CARM1: variants seen among roughly 807,000 people sequenced by gnomAD.
The protein encoded by CARM1 is coactivator associated arginine methyltransferase 1.
Under a neutral mutation model 72.7 loss-of-function variants are expected in CARM1, and 14 were observed. The ratio of observed to expected loss-of-function variants is 0.19; its 90% confidence interval spans 0.13 to 0.30. The LOEUF is 0.30. Ranked by LOEUF, CARM1 falls within the 10% of genes least tolerant of loss-of-function variation. CARM1 has a pLI of 1.00. For missense variants in CARM1, 432 were observed against 833.7 expected (o/e 0.52, Z 5.93); for synonymous variants, 333 against 345.5 (o/e 0.96, Z 0.40).
chr19:10,890,754 CACACACATAT>C (rs1197707097), intron 1 of CARM1, among the ~76,000 whole-genome samples: 3 of 135,996 alleles, frequency 2.2e-5, no homozygotes, highest in African/African-American at 8.2e-5. Context: ...TGCATATACA[CACACACATAT>C]ACACACACAC....
At chr19:10,876,531 C>G (rs923040916) in intron 1 of CARM1, among the ~76,000 whole-genome samples, 2 of 152,210 alleles carry the variant, frequency 1.3e-5, no homozygotes, top group African/African-American at 4.8e-5. Context: ...CAGCCCTGTT[C>G]CTTGACGTCT....
intron 1 of CARM1, among the ~76,000 whole-genome samples, chr19:10,872,724 C>G (rs2073829147): frequency 6.6e-6 from 1 of 151,964 alleles, no homozygotes; most frequent in African/African-American, 2.4e-5. Context: ...GCCAGCACCC[C>G]CCACCCCCGC....
chr19:10,913,194 T>G (rs2074167812), intron 5 of CARM1, among the ~76,000 whole-genome samples: 1 of 151,414 alleles, frequency 6.6e-6, no homozygotes, highest in African/African-American at 2.4e-5. Flanking sequence ...AACCTCCACC[T>G]CCCGGGTTCA....
intron 1 of CARM1, among the ~76,000 whole-genome samples, chr19:10,897,980 G>A (rs575271504): frequency 2.6e-5 from 4 of 152,118 alleles, no homozygotes; most frequent in African/African-American, 7.2e-5. Flanking sequence ...GGTGGCGGGC[G>A]CCTGTAGTCC....
Position 10,920,858 on chromosome 19 carries a change from C to T in CARM1, c.1449C>T (p.Pro483=). The part of the protein sequence containing the change: ...FFRYTGTTPS[P]PPGSHYTSPS... ...GATACACGGGCACAACGCCCTCACC[C>T]CCACCCGGCTCCCACTACACATCTC... Residue 483 remains proline (P), a synonymous_variant, in exon 13 of 16, where the codon CCC becomes CCT. Coordinates refer to ENST00000327064, the MANE Select transcript of CARM1 (RefSeq NM_199141.2). The surrounding 1 kb of genome is among the most constrained non-coding windows in gnomAD (Gnocchi z 5.3). 14 of 1,614,232 alleles carry T rather than the reference C, an allele frequency of 8.7e-6. No homozygotes were observed. Among genetic ancestry groups the T allele is most frequent in the Non-Finnish European group, 1.2e-5 (14 of 1,180,014 alleles).
intron 1 of CARM1, among the ~76,000 whole-genome samples, chr19:10,900,517 A>G (rs1230603253): frequency 6.6e-6 from 1 of 151,886 alleles, no homozygotes; most frequent in Non-Finnish European, 1.5e-5. Context: ...TGCTTCCTTT[A>G]TTTTTATGGC....
chr19:10,909,598 G>T (rs576169080), intron 4 of CARM1, among the ~76,000 whole-genome samples: 3 of 151,938 alleles, frequency 2.0e-5, no homozygotes, highest in Non-Finnish European at 4.4e-5. Flanking sequence ...TTAGTTGGGC[G>T]TGGTGGTGGG....
At chr19:10,889,812 C>T (rs1176529878) in intron 1 of CARM1, among the ~76,000 whole-genome samples, 1 of 152,170 alleles carries the variant, frequency 6.6e-6, no homozygotes, top group African/African-American at 2.4e-5. Flanking sequence ...GGAATGAAGA[C>T]GAATGCAGCC....
chr19:10,904,329 G>A (rs984608796), intron 1 of CARM1, among the ~76,000 whole-genome samples: 11 of 152,252 alleles, frequency 7.2e-5, no homozygotes, highest in South Asian at 6.2e-4. Flanking sequence ...TCCTGGCATC[G>A]CTAAGTTTCA....
At chr19:10,907,063 C>T (rs2074111249) in intron 2 of CARM1, among the ~76,000 whole-genome samples, 1 of 151,554 alleles carries the variant, frequency 6.6e-6, no homozygotes, top group South Asian at 2.1e-4. Context: ...CCCGCCACCA[C>T]CCCTGGCTAA....
At chr19:10,905,105 C>T (rs1255253209) in intron 2 of CARM1, 29 bp downstream of exon 2, 12 of 1,608,932 alleles carry the variant, frequency 7.5e-6, no homozygotes, top group Non-Finnish European at 1.0e-5. Context: ...ATTCCGGTGA[C>T]ACCAGCCCAA....
chr19:10,878,328 A>G (rs1431556282), intron 1 of CARM1, among the ~76,000 whole-genome samples: 1 of 152,196 alleles, frequency 6.6e-6, no homozygotes, highest in Non-Finnish European at 1.5e-5. Flanking sequence ...CCCTGGGATA[A>G]ATGAATGAGG....
At position 10,916,562 on chromosome 19, in the gene CARM1, C is replaced by A; in HGVS notation, c.938+65C>A. 4 of 1,421,676 alleles carry A rather than the reference C, an allele frequency of 2.8e-6. No individual in the cohort carries two copies. 88.1% of individuals were successfully genotyped at this position (1,421,676 alleles called of 1,614,324 possible). ...TGCCTTCTCAGGGACAGCCCCAGCT[C>A]CCCAGAGAGCCTGCACTCCTCTTTT... On this transcript the variant is annotated intron_variant, in intron 7 of 15. Transcript: ENST00000327064. This position sits in a 1 kb window ranked among gnomAD's most constrained non-coding sequence, Gnocchi z 4.4.
At chr19:10,874,057 T>G (rs1394704242) in intron 1 of CARM1, among the ~76,000 whole-genome samples, 1 of 152,260 alleles carries the variant, frequency 6.6e-6, no homozygotes, top group East Asian at 1.9e-4. Context: ...GTTGATACTC[T>G]TGAAAGTATT....
rs17811736 is a variant in CARM1, at chr19:10,896,032, A to G, written c.221-8919A>G. On this transcript the variant is annotated intron_variant, in intron 1 of 15. Coordinates refer to ENST00000327064, the MANE Select transcript of CARM1 (RefSeq NM_199141.2). This position sits in a 1 kb window ranked among gnomAD's most constrained non-coding sequence, Gnocchi z 5.2. ...ACCCAGGGGGCAGCAGTGAGACTGC[A>G]GACATTGGCAGGGGGCTGGTTCCGG... is the stretch of plus-strand genomic sequence containing the variant. Among the ~76,000 whole-genome samples the G allele has an allele frequency of 0.41, 62,627 of 151,874 alleles. 13,011 individuals carry two copies. Among genetic ancestry groups the G allele is most frequent in the East Asian group, 0.57 (2,910 of 5,140 alleles).
chr19:10,919,446 C>T, intron 8 of CARM1, 149 bp from the exon 9 acceptor site: 1 of 627,636 alleles, frequency 1.6e-6, no homozygotes, highest in South Asian at 1.9e-5. Flanking sequence ...TTGTGCCGGT[C>T]CCCTCCTCAC....
chr19:10,897,434 T>A (rs1035329117), intron 1 of CARM1, among the ~76,000 whole-genome samples: 2 of 152,144 alleles, frequency 1.3e-5, no homozygotes, highest in Non-Finnish European at 2.9e-5. Context: ...GGTGGAGGGC[T>A]GCTTCCTGGG....
rs2073816046 is a variant in CARM1 at position 10,871,621 on chromosome 19, C to CGGCGGCGACG, written c.-75_-74insACGGGCGGCG. The CGGCGGCGACG allele has an allele frequency of 6.4e-6, 1 of 157,190 alleles. No homozygotes were observed. Among genetic ancestry groups the CGGCGGCGACG allele is most frequent in the Non-Finnish European group, 1.1e-5 (1 of 90,848 alleles). The allele number at this position is 157,190 out of a possible 1,614,324, so 9.7% of individuals were successfully genotyped here. ...GCGGCGGCGGCGGCGGCGGCGGCGG[C>CGGCGGCGACG]GGCGGCGGCGGCGGCGGCAGCGGCG... On this transcript the variant is annotated 5_prime_UTR_variant, in exon 1 of 16. Coordinates refer to ENST00000327064, the MANE Select transcript of CARM1 (RefSeq NM_199141.2). This position sits in a 1 kb window ranked among gnomAD's most constrained non-coding sequence, Gnocchi z 5.6.
intron 3 of CARM1, among the ~76,000 whole-genome samples, 176 bp downstream of exon 3, chr19:10,908,321 C>T (rs2074120248): frequency 6.6e-6 from 1 of 152,226 alleles, no homozygotes; most frequent in African/African-American, 2.4e-5. Context: ...TCAGTTTCCT[C>T]ATCTGTGAAG....
Sources: gnomAD v4.1 joint callset for allele counts (sites outside exome capture counted in the v4.1 genomes callset) on GRCh38, gnomAD v4.1.1 for gene constraint, Gnocchi (gnomAD v3.1) non-coding constraint, MANE v1.5 for transcripts, NCBI Gene and HGNC (gene_info 2026-07-23, HGNC 2026-07-21) for gene names.